Variants in NOSIP observed in about 807,000 individuals in gnomAD.
NOSIP encodes the protein nitric oxide synthase interacting protein, also known as nitric oxide synthase-interacting protein.
In NOSIP, 25 loss-of-function variants were observed where a neutral mutation model predicts 36.4. That is an observed-to-expected ratio of 0.69 (90% CI 0.50 to 0.96). The LOEUF is 0.96. Ranked by LOEUF, NOSIP falls within the 40% of genes least tolerant of loss-of-function variation. The pLI, the probability that NOSIP is intolerant of heterozygous loss-of-function variation, is 0.00. For synonymous variants in NOSIP, 187 were observed against 179.2 expected (o/e 1.04, Z -0.35); for missense variants, 370 against 429.0 (o/e 0.86, Z 1.21).
At chr19:49,567,552 G>C (rs1378428413) in intron 1 of NOSIP, among the ~76,000 whole-genome samples, 3 of 152,160 alleles carry the variant, frequency 2.0e-5, no homozygotes, top group Admixed American at 2.0e-4. Flanking sequence ...GCTCTGAGCT[G>C]TGCCTGGGTC....
intron 8 of NOSIP, 44 bp from the exon 9 acceptor site, chr19:49,555,866 G>A (rs373851057): frequency 1.3e-5 from 18 of 1,427,780 alleles, no homozygotes; most frequent in Admixed American, 5.1e-5. Flanking sequence ...CCGGCCCGGG[G>A]GTGACCAGTG....
intron 1 of NOSIP, among the ~76,000 whole-genome samples, chr19:49,569,718 G>C (rs2122152821): frequency 6.6e-6 from 1 of 152,026 alleles, no homozygotes; most frequent in Middle Eastern, 3.4e-3. Flanking sequence ...TGAGGCAAGA[G>C]AATTGCTTGA....
rs574100228 is a variant in NOSIP at position 49,568,221 on chromosome 19, T to C, written c.-1-7529A>G. Among the ~76,000 whole-genome samples, 47 of 152,292 alleles carry C rather than the reference T, an allele frequency of 3.1e-4. 1 individual carries two copies. In the South Asian group the frequency reaches 9.3e-3, roughly 30 times the overall value. ...GACATACCAACATACTCCAAAAATATGGCAGTTGACCTTGACAAAGACTTG... is the reference window on the plus strand; with the variant it reads ...GACATACCAACATACTCCAAAAATACGGCAGTTGACCTTGACAAAGACTTG... On this transcript the variant is annotated intron_variant, in intron 1 of 8. Transcript: ENST00000596358.
intron 1 of NOSIP, among the ~76,000 whole-genome samples, chr19:49,570,132 G>T (rs2080466210): frequency 6.6e-6 from 1 of 151,876 alleles, no homozygotes; most frequent in South Asian, 2.1e-4. Flanking sequence ...AAAATATAAA[G>T]AACTCTTGCA....
At chr19:49,573,225 G>A (rs968626144) in intron 1 of NOSIP, among the ~76,000 whole-genome samples, 4 of 152,052 alleles carry the variant, frequency 2.6e-5, no homozygotes, top group Non-Finnish European at 4.4e-5. Flanking sequence ...GGCTGCAGGC[G>A]GCCTCAGGCA....
chr19:49,576,219 C>T (rs1483957254), intron 1 of NOSIP, among the ~76,000 whole-genome samples: 4 of 152,018 alleles, frequency 2.6e-5, no homozygotes, highest in African/African-American at 9.7e-5. Context: ...TATCTCCTGG[C>T]TGTTGTGGCT....
chr19:49,557,965 C>T (rs2080277339), intron 4 of NOSIP: 1 of 983,022 alleles, frequency 1.0e-6, no homozygotes, highest in East Asian at 1.1e-4. Context: ...ACAAAAAGCC[C>T]AATAAGCATG....
chr19:49,558,610 A>G, intron 4 of NOSIP: 1 of 374,658 alleles, frequency 2.7e-6, no homozygotes, highest in Non-Finnish European at 5.0e-6. Flanking sequence ...GAAAACTCGA[A>G]GTCCATAAGG....
chr19:49,569,549 G>T (rs2122151768), intron 1 of NOSIP, among the ~76,000 whole-genome samples: 3 of 144,722 alleles, frequency 2.1e-5, no homozygotes, highest in Admixed American at 2.1e-4. Context: ...GCTCACACCT[G>T]TAATCCCAGC....
At chr19:49,556,273 G>A (rs1218005694) in intron 8 of NOSIP, 44 bp downstream of exon 8, 2 of 1,275,956 alleles carry the variant, frequency 1.6e-6, no homozygotes, top group Non-Finnish European at 1.1e-6. Context: ...GGGGAGGGGC[G>A]GGGCCTTGGA....
chr19:49,575,951 G>C (rs2080546930), intron 1 of NOSIP, among the ~76,000 whole-genome samples: 1 of 152,108 alleles, frequency 6.6e-6, no homozygotes, highest in Admixed American at 6.6e-5. Flanking sequence ...CTAACACGGT[G>C]AAACCCCGTC....
At chr19:49,573,855 G>GT (rs1296154860) in intron 1 of NOSIP, among the ~76,000 whole-genome samples, 25 of 147,270 alleles carry the variant, frequency 1.7e-4, no homozygotes, top group African/African-American at 4.8e-4. Context: ...CAGGACTGAA[G>GT]TATTTTTTTT....
intron 1 of NOSIP, among the ~76,000 whole-genome samples, chr19:49,561,309 A>C (rs2080331390): frequency 6.6e-6 from 1 of 151,760 alleles, no homozygotes; most frequent in South Asian, 2.1e-4. Context: ...AGCTACCTCC[A>C]CTCCCACTGC....
intron 1 of NOSIP, among the ~76,000 whole-genome samples, chr19:49,575,947 C>G (rs1189331106): frequency 6.6e-6 from 1 of 152,070 alleles, no homozygotes; most frequent in African/African-American, 2.4e-5. Flanking sequence ...CTGACTAACA[C>G]GGTGAAACCC....
intron 1 of NOSIP, among the ~76,000 whole-genome samples, chr19:49,574,471 C>A (rs763344114): frequency 6.6e-6 from 1 of 152,170 alleles, no homozygotes; most frequent in Non-Finnish European, 1.5e-5. Flanking sequence ...GATGCTAATT[C>A]TTGCTACTGG....
chr19:49,561,883 T>TAA (rs35018027), intron 1 of NOSIP, among the ~76,000 whole-genome samples: 15 of 130,000 alleles, frequency 1.2e-4, no homozygotes, highest in South Asian at 2.4e-4. Context: ...CTGTCACAAT[T>TAA]AAAAAAAAAA....
chr19:49,566,963 G>A (rs1015628013), intron 1 of NOSIP, among the ~76,000 whole-genome samples: 2 of 145,174 alleles, frequency 1.4e-5, no homozygotes, highest in Non-Finnish European at 3.0e-5. Flanking sequence ...TTACAGGCGC[G>A]CACCACCATG....
Position 49,573,424 on chromosome 19 carries a change from C to T in NOSIP, c.-2+7091G>A, listed in dbSNP as rs904221750. On this transcript the variant is annotated intron_variant, in intron 1 of 8. Coordinates refer to ENST00000596358, the MANE Select transcript of NOSIP (RefSeq NM_001270960.2). ...GCTACCTCCGTTACAGCCCGTCCCT[C>T]GGTATTTCGGCTCCAGAGTAGGGGC... is the stretch of plus-strand genomic sequence containing the variant. Among the ~76,000 whole-genome samples the T allele has an allele frequency of 3.3e-5, 5 of 152,266 alleles. 1 individual carries two copies. The highest frequency in any genetic ancestry group is 4.8e-5 in the African/African-American group (2 of 41,556).
At chr19:49,567,082 C>T (rs568828368) in intron 1 of NOSIP, among the ~76,000 whole-genome samples, 1 of 149,348 alleles carries the variant, frequency 6.7e-6, no homozygotes, top group Admixed American at 6.7e-5. Context: ...TCCCAAAGTG[C>T]TGGGATTATA....
Sources: allele counts gnomAD v4.1 joint callset (sites outside exome capture counted in the v4.1 genomes callset), GRCh38; gene constraint gnomAD v4.1.1; transcripts MANE v1.5; gene names NCBI Gene and HGNC (gene_info 2026-07-23, HGNC 2026-07-21).